MICAL3: variants seen among roughly 807,000 people sequenced by gnomAD.
MICAL3 encodes microtubule associated monooxygenase, calponin and LIM domain containing 3, also known as [F-actin]-monooxygenase MICAL3.
MICAL3 carries 62 observed loss-of-function variants against 207.4 expected under a neutral mutation model. The ratio of observed to expected loss-of-function variants is 0.30; its 90% CI spans 0.24 to 0.37. The LOEUF is 0.37. Ranked by LOEUF, MICAL3 falls within the 10% of genes least tolerant of loss-of-function variation. The pLI is 1.00. For synonymous variants in MICAL3, 1,077 were observed against 1,069.3 expected, an observed-to-expected ratio of 1.01 and a Z score of -0.14; for missense variants, 2,368 against 2,635.6, an observed-to-expected ratio of 0.90 and a Z score of 2.22.
intron 16 of MICAL3, among the ~76,000 whole-genome samples, chr22:17,875,718 A>G (rs943838539): frequency 4.7e-5 from 7 of 150,294 alleles, no homozygotes; most frequent in African/African-American, 1.5e-4. Context: ...CTCCAGAAGC[A>G]TAAGCGGCCC....
At chr22:17,864,557 C>CT in intron 19 of MICAL3, 1 of 1,449,254 alleles carries the variant, frequency 6.9e-7, no homozygotes. Context: ...GAGCTCCTGT[C>CT]TACCTACACA....
chr22:18,011,933 T>A (rs868716734), intron 1 of MICAL3, among the ~76,000 whole-genome samples: 117 of 149,312 alleles, frequency 7.8e-4, no homozygotes, highest in African/African-American at 2.2e-3. Context: ...TAATAAAAAA[T>A]TTTTTAAAAA....
chr22:17,928,194 C>T (rs1229547244), intron 1 of MICAL3, among the ~76,000 whole-genome samples: 2 of 152,150 alleles, frequency 1.3e-5, no homozygotes, highest in African/African-American at 2.4e-5. Context: ...AATCCCAGCA[C>T]TTTGGGAGGC....
intron 29 of MICAL3, among the ~76,000 whole-genome samples, chr22:17,795,701 G>A (rs1016545490): frequency 1.3e-5 from 2 of 152,242 alleles, no homozygotes; most frequent in African/African-American, 2.4e-5. Context: ...GTGAGCGGCC[G>A]GCGAGTCCGA....
intron 17 of MICAL3, among the ~76,000 whole-genome samples, chr22:17,868,556 A>C (rs531022489): frequency 5.3e-5 from 8 of 152,302 alleles, no homozygotes; most frequent in African/African-American, 1.7e-4. Flanking sequence ...AGCCTGCACT[A>C]CCATGACACT....
chr22:17,819,343 T>G (rs527381972), intron 25 of MICAL3, among the ~76,000 whole-genome samples: 1 of 152,282 alleles, frequency 6.6e-6, no homozygotes, highest in South Asian at 2.1e-4. Flanking sequence ...CTCTGCTTAG[T>G]TTAGACAAAC....
rs571468632 is a variant in MICAL3, at chr22:17,950,752, G to A, written c.-74-43866C>T. Among the ~76,000 whole-genome samples, 15 of 152,274 alleles carry A rather than the reference G, an allele frequency of 9.9e-5. No individual in the cohort carries two copies. In the South Asian group the frequency reaches 1.0e-3, roughly 11 times the overall value. Reference sequence around the variant, plus strand: ...TACTGACTGGCTTGAGAATGAGTTCGGGGGAGGGAACGACTGCTGTTGCTG... The same window carrying A: ...TACTGACTGGCTTGAGAATGAGTTCAGGGGAGGGAACGACTGCTGTTGCTG... On this transcript the variant is annotated intron_variant, in intron 1 of 31. Coordinates refer to ENST00000441493, the MANE Select transcript of MICAL3 (RefSeq NM_015241.3).
Position 17,848,309 on chromosome 22 carries a change from G to A in MICAL3, c.2606-6292C>T, listed in dbSNP as rs565430471. Among the ~76,000 whole-genome samples the A allele has an allele frequency of 7.9e-5, 12 of 152,112 alleles. No individual in the cohort carries two copies. In the East Asian group the frequency reaches 1.5e-3, roughly 20 times the overall value. ...TCCATGCCTCCATCTGTTTGATCCCGTTCAAGTTGGAAACAGTACAGTCCC... is the reference window on the plus strand; with the variant it reads ...TCCATGCCTCCATCTGTTTGATCCCATTCAAGTTGGAAACAGTACAGTCCC... On this transcript the variant is annotated intron_variant, in intron 19 of 31. Transcript: ENST00000441493.
At chr22:17,885,770 C>T (rs1569115395) in intron 16 of MICAL3, 108 bp downstream of exon 16, 1 of 1,176,486 alleles carries the variant, frequency 8.5e-7, no homozygotes, top group East Asian at 2.4e-5. Context: ...GATGCCAGCC[C>T]ACGAACGCTG....
chr22:17,898,498 G>A lies in MICAL3; in HGVS notation c.948+950C>T, dbSNP rs114221095. On this transcript the variant is annotated intron_variant, in intron 7 of 31. Coordinates refer to ENST00000441493, the MANE Select transcript of MICAL3 (RefSeq NM_015241.3). ...GCACATGCTCGTCAGCTCACTCCCC[G>A]CTCTGCTGTCATATAAGGTAGTACT... Among the ~76,000 whole-genome samples, 1,312 of 152,244 alleles carry A rather than the reference G, an allele frequency of 8.6e-3. 22 individuals are homozygous for A. Among genetic ancestry groups the A allele is most frequent in the African/African-American group, 0.029 (1,216 of 41,528 alleles).
chr22:17,872,128 G>T, intron 16 of MICAL3, 105 bp from the exon 17 acceptor site: 2 of 969,684 alleles, frequency 2.1e-6, no homozygotes. Context: ...CTCACTAAGG[G>T]GTCTGCTTTG....
intron 1 of MICAL3, among the ~76,000 whole-genome samples, chr22:17,946,207 A>T (rs1341809760): frequency 2.0e-5 from 3 of 152,154 alleles, no homozygotes; most frequent in Non-Finnish European, 4.4e-5. Context: ...GCTCTACCTG[A>T]CCAGGAGGCC....
At chr22:17,923,164 G>C (rs1047222296) in intron 1 of MICAL3, among the ~76,000 whole-genome samples, 1 of 152,052 alleles carries the variant, frequency 6.6e-6, no homozygotes, top group African/African-American at 2.4e-5. Context: ...TCTGCTCAAG[G>C]AATACTGCAA....
At chr22:17,929,435 G>A (rs972371965) in intron 1 of MICAL3, among the ~76,000 whole-genome samples, 1 of 151,920 alleles carries the variant, frequency 6.6e-6, no homozygotes. Flanking sequence ...CCATGTGTAA[G>A]TTGGGTTATT....
At chr22:17,831,787 C>T in intron 21 of MICAL3, 67 bp downstream of exon 21, 2 of 1,512,772 alleles carry the variant, frequency 1.3e-6, no homozygotes, top group Non-Finnish European at 1.8e-6. Flanking sequence ...AAACCTCTTA[C>T]ACTCACGCAT....
chr22:17,985,796 C>T (rs1920978052), intron 1 of MICAL3, among the ~76,000 whole-genome samples: 1 of 152,168 alleles, frequency 6.6e-6, no homozygotes, highest in South Asian at 2.1e-4. Context: ...CGCATCTTCA[C>T]CCTCCTTTAG....
chr22:17,891,445 T>C, intron 12 of MICAL3, 40 bp downstream of exon 12: 1 of 1,601,972 alleles, frequency 6.2e-7, no homozygotes, highest in Non-Finnish European at 8.6e-7. Context: ...CTGAGATCCT[T>C]GAGGAGTATA....
At chr22:17,801,600 G>C (rs904880320) in intron 29 of MICAL3, among the ~76,000 whole-genome samples, 1 of 152,136 alleles carries the variant, frequency 6.6e-6, no homozygotes, top group Non-Finnish European at 1.5e-5. Flanking sequence ...GGTAAAGAAA[G>C]CAGGAGATGC....
chr22:17,809,221 G>A (rs538793070), intron 28 of MICAL3, among the ~76,000 whole-genome samples: 2 of 152,374 alleles, frequency 1.3e-5, no homozygotes, highest in African/African-American at 4.8e-5. Flanking sequence ...GGAAGTGGAT[G>A]TAATCTGTGG....
Sources: allele counts gnomAD v4.1 joint callset (sites outside exome capture counted in the v4.1 genomes callset), GRCh38; gene constraint gnomAD v4.1.1; transcripts MANE v1.5; gene names NCBI Gene and HGNC (gene_info 2026-07-23, HGNC 2026-07-21).